SCAMP5: variants seen among roughly 807,000 people sequenced by gnomAD.
SCAMP5 encodes the protein secretory carrier membrane protein 5.
Under a neutral mutation model 28.3 loss-of-function variants are expected in SCAMP5, and 7 were observed. The ratio of observed to expected loss-of-function variants is 0.25; its 90% CI spans 0.14 to 0.46. The LOEUF (loss-of-function observed/expected upper bound fraction) is 0.46, where lower values mean the gene tolerates loss of function less well. Among genes scored for constraint, SCAMP5 ranks in the 20% least tolerant of loss-of-function variants. The pLI, the probability that SCAMP5 is intolerant of heterozygous loss-of-function variation, is 0.99. For missense variants in SCAMP5, 192 were observed against 312.5 expected, an observed-to-expected ratio of 0.61 and a Z score of 2.91; for synonymous variants, 117 against 116.4, an observed-to-expected ratio of 1.00 and a Z score of -0.03.
rs191902860 is a variant in SCAMP5, at chr15:74,998,707, G to A, written c.-49+3034G>A. Among the ~76,000 whole-genome samples, 8 of 151,352 alleles carry A rather than the reference G, an allele frequency of 5.3e-5. No homozygotes were observed. In the East Asian group the frequency reaches 1.6e-3, roughly 29 times the overall value. On this transcript the variant is annotated intron_variant, in intron 1 of 6. Transcript: ENST00000425597. ...TTTCAAAGGCTTCCCAGAAACAAGG[G>A]CAGAGAAGCCTGGAGCCTTCCATTT...
intron 1 of SCAMP5, among the ~76,000 whole-genome samples, chr15:75,008,313 A>T (rs1027350998): frequency 1.3e-5 from 2 of 151,990 alleles, no homozygotes; most frequent in Admixed American, 1.3e-4. Context: ...TGACTATTTC[A>T]TTACTTTCTG....
chr15:75,005,385 G>C (rs1406580560), intron 1 of SCAMP5, among the ~76,000 whole-genome samples: 1 of 151,956 alleles, frequency 6.6e-6, no homozygotes, highest in Non-Finnish European at 1.5e-5. Context: ...GCTTGAACTT[G>C]GGAGGCGGAG....
At chr15:75,001,347 A>T (rs1245445469) in intron 1 of SCAMP5, among the ~76,000 whole-genome samples, 2 of 148,586 alleles carry the variant, frequency 1.3e-5, no homozygotes, top group South Asian at 2.2e-4. Context: ...CAGACCAGGG[A>T]GGTGTTCTGT....
intron 1 of SCAMP5, among the ~76,000 whole-genome samples, chr15:74,999,157 A>G (rs2065679302): frequency 6.6e-6 from 1 of 152,112 alleles, no homozygotes; most frequent in African/African-American, 2.4e-5. Flanking sequence ...CTTAAACTCT[A>G]GTATTTCTCT....
chr15:75,015,205 G>T (rs554463482), intron 3 of SCAMP5, among the ~76,000 whole-genome samples: 3 of 152,288 alleles, frequency 2.0e-5, no homozygotes, highest in African/African-American at 7.2e-5. Context: ...CAGAAGACAG[G>T]ACCACAGATG....
At chr15:75,007,798 C>T (rs2065774329) in intron 1 of SCAMP5, 1 of 152,258 alleles carries the variant, frequency 6.6e-6, no homozygotes, top group Admixed American at 6.6e-5. Context: ...ATCTCTTGAC[C>T]TGGTGATCTA....
At chr15:75,016,090 G>A (rs879772253) in intron 3 of SCAMP5, among the ~76,000 whole-genome samples, 2 of 152,168 alleles carry the variant, frequency 1.3e-5, no homozygotes, top group African/African-American at 2.4e-5. Context: ...GAAAGAGAAA[G>A]TGTAAGGTCG....
At chr15:75,005,850 G>T (rs981609659) in intron 1 of SCAMP5, among the ~76,000 whole-genome samples, 1 of 151,508 alleles carries the variant, frequency 6.6e-6, no homozygotes, top group Non-Finnish European at 1.5e-5. Context: ...TCAGCCTCCC[G>T]AGTAGTTGGG....
chr15:75,007,439 G>C (rs1299276996), intron 1 of SCAMP5: 1 of 152,354 alleles, frequency 6.6e-6, no homozygotes, highest in Non-Finnish European at 1.5e-5. Flanking sequence ...CCGGGCTGGA[G>C]TGCAGTGGCG....
rs185013480 is a variant in SCAMP5 at position 74,999,207 on chromosome 15, C to G, written c.-49+3534C>G. The stretch of plus-strand genomic sequence containing the variant: ...ACTAATGCTTTATGTGCTCTGACCT[C>G]AAGGAGACCTCTAGTTCTCAGACAC... On this transcript the variant is annotated intron_variant, in intron 1 of 6. Transcript: ENST00000425597. Among the ~76,000 whole-genome samples, 13 of 152,326 alleles carry G rather than the reference C, an allele frequency of 8.5e-5. No individual in the cohort carries two copies. The East Asian group carries it at 2.3e-3, about 27-fold the overall frequency.
intron 3 of SCAMP5, chr15:75,013,170 G>A: frequency 5.0e-6 from 1 of 199,336 alleles, no homozygotes; most frequent in Admixed American, 5.7e-5. Flanking sequence ...GGGACTGTCA[G>A]GACCTCAGGA....
intron 4 of SCAMP5, 88 bp from the exon 5 acceptor site, chr15:75,017,782 A>G: frequency 2.4e-6 from 2 of 836,902 alleles, no homozygotes; most frequent in South Asian, 2.6e-5. Flanking sequence ...TCCATTATGC[A>G]CTTAAACTTG....
chr15:75,015,126 C>G (rs191845354), intron 3 of SCAMP5, among the ~76,000 whole-genome samples: 38 of 152,234 alleles, frequency 2.5e-4, no homozygotes, highest in Admixed American at 2.5e-3. Context: ...TAAGTCCTCA[C>G]TAGGCACCCG....
intron 3 of SCAMP5, among the ~76,000 whole-genome samples, chr15:75,014,726 TAGAG>T (rs143908667): frequency 6.6e-6 from 1 of 151,536 alleles, no homozygotes; most frequent in African/African-American, 2.4e-5. Flanking sequence ...AGCTGATGGC[TAGAG>T]AGAGAGAGGG....
At chr15:75,017,820 G>A (rs762947872) in intron 4 of SCAMP5, 50 bp from the exon 5 acceptor site, 2 of 1,224,086 alleles carry the variant, frequency 1.6e-6, no homozygotes, top group Admixed American at 3.4e-5. Flanking sequence ...TGAAGGCAGG[G>A]AAGCCCTGGC....
chr15:75,002,360 A>G (rs1445067008), intron 1 of SCAMP5, among the ~76,000 whole-genome samples: 1 of 151,640 alleles, frequency 6.6e-6, no homozygotes, highest in African/African-American at 2.4e-5. Context: ...CAACCTTTCT[A>G]TGTATCCTAC....
Position 75,018,685 on chromosome 15 carries a change from G to A in SCAMP5, c.514-104G>A. ...AGGACTCTCCTACAGAGGCATTCATGGGGAGGGAGCACTGTTTTTTTTTTA... is the reference window on the plus strand; with the variant it reads ...AGGACTCTCCTACAGAGGCATTCATAGGGAGGGAGCACTGTTTTTTTTTTA... On this transcript the variant is annotated intron_variant, in intron 6 of 6. Transcript: ENST00000425597. This position sits in a 1 kb window ranked among gnomAD's most constrained non-coding sequence, Gnocchi z 5.6. 9.5e-7 allele frequency: 1 copy of A among 1,048,584 alleles called. No homozygotes were observed. The highest frequency in any genetic ancestry group is 1.5e-6 in the Non-Finnish European group (1 of 680,238). The allele number at this position is 1,048,584 out of a possible 1,614,324, so 65.0% of individuals were successfully genotyped here.
intron 1 of SCAMP5, among the ~76,000 whole-genome samples, chr15:75,001,411 T>C (rs2065707017): frequency 6.6e-6 from 1 of 152,222 alleles, no homozygotes. Context: ...TGTGTCAGAA[T>C]TGCTCCTTGA....
chr15:75,005,810 C>T (rs1477835633), intron 1 of SCAMP5, among the ~76,000 whole-genome samples: 5 of 151,852 alleles, frequency 3.3e-5, no homozygotes, highest in Non-Finnish European at 7.4e-5. Flanking sequence ...CTGCAACCTC[C>T]GCCTCCCGGG....
Sources: gnomAD v4.1 joint callset for allele counts (sites outside exome capture counted in the v4.1 genomes callset) on GRCh38, gnomAD v4.1.1 for gene constraint, Gnocchi (gnomAD v3.1) non-coding constraint, MANE v1.5 for transcripts, NCBI Gene and HGNC (gene_info 2026-07-23, HGNC 2026-07-21) for gene names.